Variants in NELL1 observed in about 807,000 individuals in gnomAD.
The protein encoded by NELL1 is protein kinase C-binding protein NELL1.
NELL1 carries 76 observed loss-of-function variants against 107.4 expected under a neutral mutation model. That is an observed-to-expected ratio of 0.71 (90% confidence interval 0.59 to 0.86). The LOEUF (loss-of-function observed/expected upper bound fraction) is 0.86. NELL1 is among the 40% of genes least tolerant of loss of function. The pLI, the probability that NELL1 is intolerant of heterozygous loss-of-function variation, is 0.00. For synonymous variants in NELL1, 353 were observed against 341.2 expected, an observed-to-expected ratio of 1.03 and a Z score of -0.38; for missense variants, 1,024 against 1,005.5, an observed-to-expected ratio of 1.02 and a Z score of -0.25.
At chr11:20,783,938 G>A in intron 3 of NELL1, 108 bp downstream of exon 3, 2 of 1,054,702 alleles carry the variant, frequency 1.9e-6, no homozygotes, top group Non-Finnish European at 2.6e-6. Context: ...ATCTAACTGA[G>A]GCCTCATTTC....
At chr11:20,870,983 A>C (rs1849184772) in intron 4 of NELL1, among the ~76,000 whole-genome samples, 1 of 152,274 alleles carries the variant, frequency 6.6e-6, no homozygotes, top group South Asian at 2.1e-4. Context: ...TTATTAAAAA[A>C]CAATCAAGTT....
chr11:21,162,787 T>C (rs1206948792), intron 13 of NELL1, among the ~76,000 whole-genome samples: 2 of 152,200 alleles, frequency 1.3e-5, no homozygotes, highest in African/African-American at 2.4e-5. Context: ...TTGCATACTA[T>C]GGACAACAAT....
chr11:21,022,500 C>T (rs534103666), intron 12 of NELL1, among the ~76,000 whole-genome samples: 16 of 152,254 alleles, frequency 1.1e-4, no homozygotes, highest in African/African-American at 3.6e-4. Context: ...GAAAATGGGA[C>T]TAAGTCCAAA....
chr11:21,402,074 C>T (rs1200851583), intron 15 of NELL1, among the ~76,000 whole-genome samples: 3 of 151,780 alleles, frequency 2.0e-5, no homozygotes, highest in Admixed American at 6.6e-5. Flanking sequence ...TAGCTGGAGT[C>T]TCAAGGAACA....
intron 12 of NELL1, among the ~76,000 whole-genome samples, chr11:21,111,237 C>A (rs992732233): frequency 6.6e-6 from 1 of 152,038 alleles, no homozygotes; most frequent in Non-Finnish European, 1.5e-5. Context: ...TGCCTGTCTG[C>A]GAGGTCTATG....
chr11:20,768,658 A>G (rs1228069528), intron 2 of NELL1, among the ~76,000 whole-genome samples: 1 of 152,210 alleles, frequency 6.6e-6, no homozygotes, highest in African/African-American at 2.4e-5. Flanking sequence ...CTCATAAGAG[A>G]AAGACATGAG....
At chr11:20,909,059 G>A (rs2134144528) in intron 5 of NELL1, among the ~76,000 whole-genome samples, 1 of 152,296 alleles carries the variant, frequency 6.6e-6, no homozygotes, top group Non-Finnish European at 1.5e-5. Flanking sequence ...ACTATGCTAT[G>A]TGAAGGAACC....
intron 14 of NELL1, among the ~76,000 whole-genome samples, chr11:21,368,338 G>A (rs1376455781): frequency 7.0e-6 from 1 of 143,566 alleles, no homozygotes; most frequent in East Asian, 2.1e-4. Context: ...AATGCGACAT[G>A]TGCAATTTAG....
intron 12 of NELL1, among the ~76,000 whole-genome samples, chr11:20,971,901 C>T (rs768116033): frequency 3.9e-5 from 6 of 152,078 alleles, no homozygotes; most frequent in Non-Finnish European, 8.8e-5. Context: ...TGGAAGCCAT[C>T]ATCCTCAACA....
intron 17 of NELL1, among the ~76,000 whole-genome samples, chr11:21,560,677 G>C (rs1317710788): frequency 1.3e-5 from 2 of 152,034 alleles, no homozygotes; most frequent in Non-Finnish European, 2.9e-5. Context: ...GTGCTTTTAA[G>C]GTTGGTTGGG....
At chr11:20,983,290 T>C (rs1429700723) in intron 12 of NELL1, among the ~76,000 whole-genome samples, 3 of 152,192 alleles carry the variant, frequency 2.0e-5, no homozygotes, top group Admixed American at 1.3e-4. Context: ...CAACAGATGA[T>C]GGAGTGCCTT....
At chr11:20,991,994 A>T (rs1430457871) in intron 12 of NELL1, among the ~76,000 whole-genome samples, 3 of 147,186 alleles carry the variant, frequency 2.0e-5, no homozygotes, top group Admixed American at 1.4e-4. Flanking sequence ...TAGCATGCAA[A>T]AAAAAAAAAA....
At chr11:21,572,345 T>C (rs1857116743) in intron 18 of NELL1, among the ~76,000 whole-genome samples, 1 of 151,790 alleles carries the variant, frequency 6.6e-6, no homozygotes, top group Admixed American at 6.6e-5. Context: ...ATACTGTGGG[T>C]CATACTTAAT....
chr11:20,791,909 T>C (rs1340988234), intron 3 of NELL1, among the ~76,000 whole-genome samples: 4 of 152,082 alleles, frequency 2.6e-5, no homozygotes, highest in South Asian at 2.1e-4. Flanking sequence ...TGTAGTGTAT[T>C]ATACTAACTG....
At position 20,921,796 on chromosome 11, in the gene NELL1, G is replaced by GTTTTT. The variant is rs34327396; in HGVS notation, c.759+2463_759+2464insTTTTT. On this transcript the variant is annotated intron_variant, in intron 7 of 19. Transcript: ENST00000357134. ...GAGCAAGGTCTCTTTTTTATTGTGTGTGTTTTTTTTTTTTTTTTAAGAACA... is the reference window on the plus strand; with the variant it reads ...GAGCAAGGTCTCTTTTTTATTGTGTGTTTTTTGTTTTTTTTTTTTTTTTAAGAACA... Among the ~76,000 whole-genome samples, 840 of 137,088 alleles carry GTTTTT rather than the reference G, an allele frequency of 6.1e-3. 11 individuals carry two copies. Among genetic ancestry groups the GTTTTT allele is most frequent in the African/African-American group, 0.023 (789 of 33,928 alleles). 89.9% of individuals were successfully genotyped at this position (137,088 alleles called of 152,430 possible).
At chr11:20,781,597 G>A (rs138207057) in intron 2 of NELL1, among the ~76,000 whole-genome samples, 1 of 152,114 alleles carries the variant, frequency 6.6e-6, no homozygotes, top group Non-Finnish European at 1.5e-5. Context: ...TGAAATTCAG[G>A]CATCTGCTAC....
At chr11:20,829,802 G>T (rs544886350) in intron 3 of NELL1, among the ~76,000 whole-genome samples, 20 of 151,234 alleles carry the variant, frequency 1.3e-4, no homozygotes, top group African/African-American at 4.6e-4. Context: ...TTTTTTTTTG[G>T]CAAGGATACC....
chr11:21,082,475 G>A (rs558298197), intron 12 of NELL1, among the ~76,000 whole-genome samples: 6 of 152,176 alleles, frequency 3.9e-5, no homozygotes, highest in East Asian at 3.9e-4. Context: ...TTCCCATGAC[G>A]ATCTGCATAA....
chr11:21,094,398 T>C (rs1419485229), intron 12 of NELL1, among the ~76,000 whole-genome samples: 1 of 152,188 alleles, frequency 6.6e-6, no homozygotes, highest in East Asian at 1.9e-4. Context: ...GTGCAAGCTG[T>C]TGGTGGATCT....
Sources: gnomAD v4.1 joint callset for allele counts (sites outside exome capture counted in the v4.1 genomes callset) on GRCh38, gnomAD v4.1.1 for gene constraint, MANE v1.5 for transcripts, NCBI Gene and HGNC (gene_info 2026-07-23, HGNC 2026-07-21) for gene names.